UBOX5: variants seen among roughly 807,000 people sequenced by gnomAD.
UBOX5 encodes the protein U-box domain containing 5, also known as RING finger protein 37.
A neutral mutation model predicts 39.0 loss-of-function variants in UBOX5; 28 were observed. That is an observed-to-expected ratio of 0.72 (90% CI 0.53 to 0.98). The LOEUF (loss-of-function observed/expected upper bound fraction) is 0.98, where lower values mean the gene tolerates loss of function less well. Among genes scored for constraint, UBOX5 ranks in the 50% least tolerant of loss-of-function variants. The probability of loss-of-function intolerance (pLI) is 0.00; values close to 1 mark genes in which losing one functional copy is unlikely to be tolerated. For missense variants in UBOX5, 585 were observed against 674.4 expected, an observed-to-expected ratio of 0.87 and a Z score of 1.47; for synonymous variants, 283 against 275.5, an observed-to-expected ratio of 1.03 and a Z score of -0.27.
chr20:3,157,358 G>A (rs996658734), intron 1 of UBOX5, among the ~76,000 whole-genome samples: 3 of 152,180 alleles, frequency 2.0e-5, no homozygotes, highest in Admixed American at 6.5e-5. Context: ...GTCACTCGCA[G>A]GTCTAAGCCA....
rs538150458 is a variant in UBOX5, at chr20:3,135,226, G to A, written c.-41-11820C>T. Reference sequence around the variant, plus strand: ...GGGGAAAATTCACAGGAGTAAACATGTGAACTTAGGGTGACTAGGACACAT... The same window carrying A: ...GGGGAAAATTCACAGGAGTAAACATATGAACTTAGGGTGACTAGGACACAT... On this transcript the variant is annotated intron_variant, in intron 1 of 4. Coordinates refer to ENST00000217173, the MANE Select transcript of UBOX5 (RefSeq NM_014948.4). 6.6e-5 allele frequency among the ~76,000 whole-genome samples: 10 copies of A among 152,292 alleles called. No individual in the cohort carries two copies. In the East Asian group the frequency reaches 1.9e-3, roughly 29 times the overall value.
chr20:3,155,964 G>C (rs890801922), intron 1 of UBOX5, among the ~76,000 whole-genome samples: 1 of 152,146 alleles, frequency 6.6e-6, no homozygotes, highest in African/African-American at 2.4e-5. Flanking sequence ...GAGTACTGTG[G>C]AGAAGGAAAG....
intron 1 of UBOX5, among the ~76,000 whole-genome samples, chr20:3,145,106 G>C (rs992780862): frequency 6.6e-6 from 1 of 151,548 alleles, no homozygotes; most frequent in Non-Finnish European, 1.5e-5. Flanking sequence ...TTTAGAGCAC[G>C]TGAAAAGATG....
chr20:3,117,513 G>A (rs188791151), intron 3 of UBOX5, among the ~76,000 whole-genome samples: 378 of 152,080 alleles, frequency 2.5e-3, no homozygotes, highest in African/African-American at 8.7e-3. Flanking sequence ...GTGAAACACC[G>A]TCTCTAATAA....
At chr20:3,142,132 T>G (rs2066521963) in intron 1 of UBOX5, among the ~76,000 whole-genome samples, 1 of 143,088 alleles carries the variant, frequency 7.0e-6, no homozygotes, top group Admixed American at 7.1e-5. Context: ...GCACTCCCAG[T>G]ATGGGCAACA....
rs2066599726 is a variant in UBOX5 at position 3,149,147 on chromosome 20, T to TG, written c.-42+10618dup. ...TTGACCAGGCAATTTCTTGTTTATA[T>TG]GGTGCTTGATTAGAGCTGGACGGGG... On this transcript the variant is annotated intron_variant, in intron 1 of 4. Transcript: ENST00000217173. This position sits in a 1 kb window ranked among gnomAD's most constrained non-coding sequence, Gnocchi z 4.1. The TG allele has an allele frequency of 6.7e-7, 1 of 1,491,250 alleles. No individual in the cohort carries two copies. The highest frequency in any genetic ancestry group is 2.2e-5 in the Admixed American group (1 of 46,090). 92.4% of individuals were successfully genotyped at this position (1,491,250 alleles called of 1,614,324 possible). A position where few individuals can be genotyped will look rare whatever the true frequency, so the allele number is the denominator to read the frequency against.
At chr20:3,113,297 CAAAAAAAAA>C (rs1170742055) in intron 4 of UBOX5, among the ~76,000 whole-genome samples, 2 of 47,536 alleles carry the variant, frequency 4.2e-5, no homozygotes, top group African/African-American at 7.4e-5. Flanking sequence ...GACTCTGTCT[CAAAAAAAAA>C]AAAAAAAAAA....
chr20:3,131,641 T>C (rs975909637), intron 1 of UBOX5, among the ~76,000 whole-genome samples: 2 of 152,268 alleles, frequency 1.3e-5, no homozygotes, highest in African/African-American at 2.4e-5. Flanking sequence ...TGTATTACAC[T>C]GTAATGGTAG....
At chr20:3,143,577 C>T (rs1490972880) in intron 1 of UBOX5, among the ~76,000 whole-genome samples, 3 of 152,022 alleles carry the variant, frequency 2.0e-5, no homozygotes, top group Non-Finnish European at 4.4e-5. Flanking sequence ...GGGTGGATCA[C>T]GAGGTCAGGA....
intron 1 of UBOX5, among the ~76,000 whole-genome samples, chr20:3,159,436 G>A (rs1424701989): frequency 6.6e-6 from 1 of 152,230 alleles, no homozygotes; most frequent in African/African-American, 2.4e-5. Flanking sequence ...AGTGTGATGA[G>A]AGGCGCGGCA....
Position 3,122,119 on chromosome 20 carries a change from T to TTAA in UBOX5, c.517_519dup (p.Leu173dup). On this transcript the variant is annotated inframe_insertion, in exon 3 of 5. Transcript: ENST00000217173. ...CCTGTCACATGGGTGATACAGATCC[T>TTAA]TAAGTGGGCCACGTGGCTAAGGGAA... 3 of 1,614,228 alleles carry TTAA rather than the reference T, an allele frequency of 1.9e-6. No homozygotes were observed. The highest frequency in any genetic ancestry group is 2.5e-6 in the Non-Finnish European group (3 of 1,180,044).
At chr20:3,130,725 T>C (rs2066423004) in intron 1 of UBOX5, among the ~76,000 whole-genome samples, 1 of 152,146 alleles carries the variant, frequency 6.6e-6, no homozygotes, top group South Asian at 2.1e-4. Context: ...CTTTACTATA[T>C]GTTCAGCTGT....
intron 1 of UBOX5, among the ~76,000 whole-genome samples, chr20:3,130,631 G>A (rs1382310027): frequency 1.3e-5 from 2 of 151,876 alleles, no homozygotes; most frequent in Non-Finnish European, 1.5e-5. Context: ...TCTAGTTAAG[G>A]TTGCTATTTA....
chr20:3,118,164 A>C (rs2148590970), intron 3 of UBOX5, among the ~76,000 whole-genome samples: 1 of 151,750 alleles, frequency 6.6e-6, no homozygotes, highest in East Asian at 2.0e-4. Flanking sequence ...GTTTCCAAAA[A>C]AACAAAACAA....
chr20:3,141,989 G>A (rs1568478869), intron 1 of UBOX5, among the ~76,000 whole-genome samples: 1 of 151,950 alleles, frequency 6.6e-6, no homozygotes, highest in Non-Finnish European at 1.5e-5. Context: ...CTCCAGCCTG[G>A]GCAACAGAGT....
At chr20:3,123,950 G>A (rs1457377471) in intron 1 of UBOX5, among the ~76,000 whole-genome samples, 1 of 152,182 alleles carries the variant, frequency 6.6e-6, no homozygotes, top group African/African-American at 2.4e-5. Context: ...CAATTTGGGA[G>A]GCTGAGGTGG....
chr20:3,146,831 G>C (rs141842733), intron 1 of UBOX5: 106 of 1,614,066 alleles, frequency 6.6e-5, no homozygotes, highest in Non-Finnish European at 8.3e-5. Flanking sequence ...TTCTAAGCGA[G>C]TTCGTTTCAG....
intron 1 of UBOX5, chr20:3,147,781 A>G: frequency 1.2e-6 from 2 of 1,614,240 alleles, no homozygotes; most frequent in South Asian, 1.1e-5. Flanking sequence ...GAATCTTGGC[A>G]ACATCTTTAC....
intron 1 of UBOX5, among the ~76,000 whole-genome samples, chr20:3,157,174 C>G (rs1368017729): frequency 1.3e-5 from 2 of 152,110 alleles, no homozygotes; most frequent in African/African-American, 4.8e-5. Flanking sequence ...AACTTCAAAG[C>G]CCCTAGTGAG....
Sources: gnomAD v4.1 joint callset for allele counts (sites outside exome capture counted in the v4.1 genomes callset) on GRCh38, gnomAD v4.1.1 for gene constraint, Gnocchi (gnomAD v3.1) non-coding constraint, MANE v1.5 for transcripts, NCBI Gene and HGNC (gene_info 2026-07-23, HGNC 2026-07-21) for gene names.